Variants in KLRF1 observed in about 807,000 individuals in gnomAD.
The protein encoded by KLRF1 is killer cell lectin like receptor F1.
In KLRF1, 27 loss-of-function variants were observed where a neutral mutation model predicts 30.7. The observed-to-expected ratio is 0.88, with a 90% CI of 0.65 to 1.21. KLRF1 has a LOEUF of 1.21. Among genes scored for constraint, KLRF1 ranks in the 50% most tolerant of loss-of-function variants. KLRF1 has a pLI of 0.00. For synonymous variants in KLRF1, 92 were observed against 89.3 expected (o/e 1.03, Z -0.17); for missense variants, 246 against 259.3 (o/e 0.95, Z 0.35).
chr12:9,831,623 C>T (rs1387171021), intron 1 of KLRF1, among the ~76,000 whole-genome samples: 3 of 152,090 alleles, frequency 2.0e-5, no homozygotes, highest in African/African-American at 7.2e-5. Flanking sequence ...CATGTAATTT[C>T]GTAAGTCAGT....
At chr12:9,829,084 G>A (rs1454368960) in intron 1 of KLRF1, among the ~76,000 whole-genome samples, 1 of 152,092 alleles carries the variant, frequency 6.6e-6, no homozygotes, top group Non-Finnish European at 1.5e-5. Flanking sequence ...ACTTAATTTT[G>A]TGATGACATA....
chr12:9,814,826 T>C, the KLRF1 span, among the ~76,000 whole-genome samples: 1 of 142,154 alleles, frequency 7.0e-6, no homozygotes, highest in Non-Finnish European at 1.5e-5. Flanking sequence ...AGTAGAATGA[T>C]AGTTACTAGC....
chr12:9,800,219 G>T, the KLRF1 span, among the ~76,000 whole-genome samples: 7 of 152,058 alleles, frequency 4.6e-5, no homozygotes, highest in Admixed American at 4.6e-4. Flanking sequence ...AAGAATGAAA[G>T]TCCTATTGCT....
chr12:9,837,205 T>C (rs1014906813), intron 3 of KLRF1, among the ~76,000 whole-genome samples: 14 of 152,090 alleles, frequency 9.2e-5, no homozygotes, highest in Non-Finnish European at 2.1e-4. Context: ...TGGAATAGAA[T>C]CACACAATAT....
chr12:9,840,815 G>A (rs1029827348), intron 3 of KLRF1, among the ~76,000 whole-genome samples: 3 of 152,022 alleles, frequency 2.0e-5, no homozygotes, highest in Admixed American at 6.6e-5. Context: ...GCTGGTGAGG[G>A]TGTGGAGAAA....
chr12:9,838,168 A>C (rs536831547), intron 3 of KLRF1, among the ~76,000 whole-genome samples: 27 of 152,020 alleles, frequency 1.8e-4, no homozygotes, highest in Non-Finnish European at 3.7e-4. Context: ...CTGCTCCCAC[A>C]TAGGGATATG....
At position 9,844,651 on chromosome 12, in the gene KLRF1, C is replaced by A; in HGVS notation, c.*125C>A. The stretch of plus-strand genomic sequence containing the variant: ...AATGCCAAAATCTCTTCTCCCTTCT[C>A]CCTCCATCATCGACACTGGTCTAGC... On this transcript the variant is annotated 3_prime_UTR_variant, in exon 6 of 6. Transcript: ENST00000617889. The A allele has an allele frequency of 1.7e-6, 1 of 578,766 alleles. No homozygotes were observed. The highest frequency in any genetic ancestry group is 3.1e-6 in the Non-Finnish European group (1 of 321,454). 35.9% of individuals were successfully genotyped at this position (578,766 alleles called of 1,614,324 possible). A position where few individuals can be genotyped will look rare whatever the true frequency, so the allele number is the denominator to read the frequency against.
At chr12:9,832,205 A>G in intron 1 of KLRF1, 111 bp from the exon 2 acceptor site, 1 of 576,664 alleles carries the variant, frequency 1.7e-6, no homozygotes. Context: ...ATTGCCTAAT[A>G]TCTTTTGAAA....
chr12:9,819,109 C>G, the KLRF1 span, among the ~76,000 whole-genome samples: 1 of 152,156 alleles, frequency 6.6e-6, no homozygotes, highest in Non-Finnish European at 1.5e-5. Flanking sequence ...AGGAGATCCC[C>G]TTGTGAACCC....
chr12:9,823,601 A>G (rs977798472), upstream of KLRF1, among the ~76,000 whole-genome samples: 1 of 152,110 alleles, frequency 6.6e-6, no homozygotes, highest in African/African-American at 2.4e-5. Context: ...GAGCCAACCA[A>G]CCTCAAAGGT....
At chr12:9,838,272 C>G (rs892010936) in intron 3 of KLRF1, among the ~76,000 whole-genome samples, 1 of 152,096 alleles carries the variant, frequency 6.6e-6, no homozygotes, top group African/African-American at 2.4e-5. Flanking sequence ...CTTTGACTGG[C>G]TCTGACTGAC....
chr12:9,819,898 GTCTGTACC>G, the KLRF1 span, among the ~76,000 whole-genome samples: 1 of 152,210 alleles, frequency 6.6e-6, no homozygotes, highest in Non-Finnish European at 1.5e-5. Flanking sequence ...TTGACAACAC[GTCTGTACC>G]TCCCTAGGAT....
chr12:9,825,921 G>A (rs1867276824), upstream of KLRF1, among the ~76,000 whole-genome samples: 1 of 152,034 alleles, frequency 6.6e-6, no homozygotes, highest in African/African-American at 2.4e-5. Context: ...TATCCATTTG[G>A]AGTGTCAAAT....
chr12:9,813,839 G>A, the KLRF1 span, among the ~76,000 whole-genome samples: 174 of 152,198 alleles, frequency 1.1e-3, no homozygotes, highest in East Asian at 3.7e-3. Flanking sequence ...AGCCATGGGA[G>A]AGCCCTGGGG....
At chr12:9,833,947 T>C (rs1164475147) in intron 3 of KLRF1, among the ~76,000 whole-genome samples, 1 of 148,906 alleles carries the variant, frequency 6.7e-6, no homozygotes, top group Non-Finnish European at 1.5e-5. Context: ...GCTGTTTATT[T>C]CACCTGGGTG....
intron 3 of KLRF1, among the ~76,000 whole-genome samples, chr12:9,838,874 T>C (rs896843802): frequency 6.6e-6 from 1 of 152,128 alleles, no homozygotes; most frequent in Non-Finnish European, 1.5e-5. Context: ...TTTTATTTAG[T>C]ACACATTTTT....
chr12:9,802,361 C>T, the KLRF1 span, among the ~76,000 whole-genome samples: 1 of 151,956 alleles, frequency 6.6e-6, no homozygotes, highest in Non-Finnish European at 1.5e-5. Context: ...TTATTTATGA[C>T]AAACCCACAG....
chr12:9,808,078 T>G, the KLRF1 span, among the ~76,000 whole-genome samples: 7 of 152,244 alleles, frequency 4.6e-5, no homozygotes, highest in South Asian at 8.3e-4. Context: ...TGTTTTGATA[T>G]GTTGGTTTAT....
At chr12:9,834,109 GC>G (rs1401328847) in intron 3 of KLRF1, among the ~76,000 whole-genome samples, 1 of 151,658 alleles carries the variant, frequency 6.6e-6, no homozygotes, top group African/African-American at 2.4e-5. Flanking sequence ...CAGTGGGGGA[GC>G]TTTTTGAGCC....
Sources: gnomAD v4.1 joint callset for allele counts (sites outside exome capture counted in the v4.1 genomes callset) on GRCh38, gnomAD v4.1.1 for gene constraint, MANE v1.5 for transcripts, NCBI Gene and HGNC (gene_info 2026-07-23, HGNC 2026-07-21) for gene names.